The following UQCC1 variants were observed in gnomAD, a reference collection of about 807,000 sequenced individuals.
The protein encoded by UQCC1 is bFGF-repressed Zic-binding protein.
Under a neutral mutation model 48.0 loss-of-function variants are expected in UQCC1, and 38 were observed. The observed-to-expected ratio is 0.79, with a 90% CI of 0.61 to 1.04. The LOEUF (loss-of-function observed/expected upper bound fraction) is 1.04. UQCC1 is among the 50% of genes least tolerant of loss of function. The pLI, the probability that UQCC1 is intolerant of heterozygous loss-of-function variation, is 0.00. For synonymous variants in UQCC1, 111 were observed against 129.2 expected, an observed-to-expected ratio of 0.86 and a Z score of 0.95; for missense variants, 368 against 381.8, an observed-to-expected ratio of 0.96 and a Z score of 0.30.
intron 2 of UQCC1, among the ~76,000 whole-genome samples, chr20:35,386,559 A>C (rs978610600): frequency 6.6e-6 from 1 of 152,172 alleles, no homozygotes; most frequent in Non-Finnish European, 1.5e-5. Flanking sequence ...TAAACACAGA[A>C]CACCTCCCCA....
rs1001478110 is a variant in UQCC1, at chr20:35,411,929, C to G, written c.24+11G>C. On this transcript the variant is annotated intron_variant, in intron 1 of 9. Coordinates refer to ENST00000374385, the MANE Select transcript of UQCC1 (RefSeq NM_018244.5). ...CAGAGAGCTACCGTAGAAAATTACT[C>G]CTTCACTCACAAGGACTCGCACCAG... is the stretch of plus-strand genomic sequence containing the variant. The G allele has an allele frequency of 6.2e-7, 1 of 1,614,094 alleles. No individual in the cohort carries two copies. The highest frequency in any genetic ancestry group is 8.5e-7 in the Non-Finnish European group (1 of 1,180,054).
chr20:35,332,493 C>T (rs2061268014), intron 7 of UQCC1, among the ~76,000 whole-genome samples: 1 of 152,222 alleles, frequency 6.6e-6, no homozygotes, highest in South Asian at 2.1e-4. Flanking sequence ...TTCTCAGAGC[C>T]AGAGTAGAAC....
Position 35,302,734 on chromosome 20 carries a change from G to A in UQCC1, c.*1201C>T, listed in dbSNP as rs774290891. On this transcript the variant is annotated 3_prime_UTR_variant, in exon 10 of 10. Transcript: ENST00000374385. ...GGTGTTATTATCTCACACACACACA[G>A]GAGGCTTCACTCTAGAGCTCCGCTC... is the stretch of plus-strand genomic sequence containing the variant. 8.5e-5 allele frequency: 13 copies of A among 152,218 alleles called. No individual in the cohort carries two copies. The highest frequency in any genetic ancestry group is 1.9e-4 in the Non-Finnish European group (13 of 68,036). The allele number at this position is 152,218 out of a possible 1,614,324, so 9.4% of individuals were successfully genotyped here. A position where few individuals can be genotyped will look rare whatever the true frequency, so the allele number is the denominator to read the frequency against.
rs2061770568 is a variant in UQCC1, at chr20:35,374,298, T to C, written c.334-42A>G. On this transcript the variant is annotated intron_variant, in intron 4 of 9. Coordinates refer to ENST00000374385, the MANE Select transcript of UQCC1 (RefSeq NM_018244.5). ...AAACCAAACTCAAGACATGACCAAG[T>C]GGATGTTCTACTTCCATTAGACATG... 2.0e-6 allele frequency: 3 copies of C among 1,491,866 alleles called. No individual in the cohort carries two copies. In the East Asian group the frequency reaches 6.9e-5, roughly 34 times the overall value. The allele number at this position is 1,491,866 out of a possible 1,614,324, so 92.4% of individuals were successfully genotyped here.
chr20:35,388,700 G>A (rs2061977532), intron 2 of UQCC1, among the ~76,000 whole-genome samples: 1 of 152,202 alleles, frequency 6.6e-6, no homozygotes, highest in Admixed American at 6.6e-5. Context: ...AAAAGTCTGA[G>A]TAGAGTTCAA....
intron 7 of UQCC1, among the ~76,000 whole-genome samples, chr20:35,333,957 G>A (rs1397048733): frequency 6.6e-6 from 1 of 152,190 alleles, no homozygotes; most frequent in African/African-American, 2.4e-5. Flanking sequence ...TCTCCTGAAG[G>A]CCGGGGGCTG....
intron 1 of UQCC1, among the ~76,000 whole-genome samples, chr20:35,400,404 TTTAAC>T (rs1181612415): frequency 8.5e-5 from 13 of 152,274 alleles, no homozygotes; most frequent in African/African-American, 2.6e-4. Context: ...AAATTATTCC[TTTAAC>T]TTAAGATAAA....
chr20:35,391,022 C>T (rs2062007885), intron 2 of UQCC1, among the ~76,000 whole-genome samples: 1 of 151,708 alleles, frequency 6.6e-6, no homozygotes, highest in Non-Finnish European at 1.5e-5. Context: ...GTGGCAAAAC[C>T]CCTTCTCTAC....
chr20:35,406,882 T>C (rs1416129504), intron 1 of UQCC1, among the ~76,000 whole-genome samples: 3 of 152,200 alleles, frequency 2.0e-5, no homozygotes, highest in Admixed American at 1.3e-4. Flanking sequence ...CTTTACATAT[T>C]ACTGAAATGA....
At chr20:35,388,372 C>T (rs1474985635) in intron 2 of UQCC1, among the ~76,000 whole-genome samples, 1 of 140,274 alleles carries the variant, frequency 7.1e-6, no homozygotes, top group Non-Finnish European at 1.5e-5. Context: ...GTCACTGCAA[C>T]TTTGACCCCC....
rs80293457 is a variant in UQCC1, at chr20:35,393,131, G to C, written c.129+961C>G. 6.8e-3 allele frequency among the ~76,000 whole-genome samples: 1,039 copies of C among 152,118 alleles called. 16 individuals carry two copies. Among genetic ancestry groups the C allele is most frequent in the African/African-American group, 0.024 (993 of 41,520 alleles). On this transcript the variant is annotated intron_variant, in intron 2 of 9. Transcript: ENST00000374385. ...ATGAAAAACTACTTATACATACATT[G>C]CTGGTGGCAGCATAAATTAAAACAA...
chr20:35,345,545 CA>C (rs2061422597), intron 7 of UQCC1: 3 of 151,516 alleles, frequency 2.0e-5, no homozygotes, highest in African/African-American at 7.3e-5. Flanking sequence ...AGAAAGAAAG[CA>C]AAAAATGAAA....
At chr20:35,399,000 T>C (rs192915034) in intron 1 of UQCC1, among the ~76,000 whole-genome samples, 19 of 152,284 alleles carry the variant, frequency 1.2e-4, no homozygotes, top group South Asian at 1.0e-3. Flanking sequence ...AAATCCTTAA[T>C]TGAAACCACT....
intron 4 of UQCC1, among the ~76,000 whole-genome samples, chr20:35,377,366 C>A (rs1301482632): frequency 6.6e-6 from 1 of 152,238 alleles, no homozygotes; most frequent in African/African-American, 2.4e-5. Context: ...GACCACAGAA[C>A]ACATCTTGGG....
chr20:35,340,377 CCTAATAA>C (rs1183388137), intron 7 of UQCC1, among the ~76,000 whole-genome samples: 1 of 152,226 alleles, frequency 6.6e-6, no homozygotes, highest in Non-Finnish European at 1.5e-5. Context: ...CCTTCTCTCC[CCTAATAA>C]CTGACTATCC....
intron 8 of UQCC1, chr20:35,307,171 G>A (rs142074876): frequency 4.4e-5 from 14 of 316,060 alleles, no homozygotes; most frequent in South Asian, 1.5e-4. Flanking sequence ...CACAGGGCAC[G>A]GGCTGGGAAT....
chr20:35,321,205 A>C (rs998108852), intron 7 of UQCC1, among the ~76,000 whole-genome samples: 2 of 152,162 alleles, frequency 1.3e-5, no homozygotes, highest in African/African-American at 4.8e-5. Context: ...TACGACTGAA[A>C]GATCTATTGA....
chr20:35,410,680 C>T (rs1219013253), intron 1 of UQCC1, among the ~76,000 whole-genome samples: 3 of 63,894 alleles, frequency 4.7e-5, no homozygotes, highest in Non-Finnish European at 6.5e-5. Context: ...ACTCCAGCTT[C>T]GGCGACAGAG....
rs1480026731 is a variant in UQCC1 at position 35,345,126 on chromosome 20, A to G, written c.573+2038T>C. The G allele has an allele frequency of 3.9e-5, 6 of 152,292 alleles. No individual in the cohort carries two copies. In the East Asian group the frequency reaches 9.7e-4, roughly 25 times the overall value. The allele number at this position is 152,292 out of a possible 1,614,324, so 9.4% of individuals were successfully genotyped here. A position where few individuals can be genotyped will look rare whatever the true frequency, so the allele number is the denominator to read the frequency against. On this transcript the variant is annotated intron_variant, in intron 7 of 9. Coordinates refer to ENST00000374385, the MANE Select transcript of UQCC1 (RefSeq NM_018244.5). ...TCTCTTCATCTGTATCCCTTGCAAT[A>G]TCCTTTATAATAAACCGGTAATGTA...
Sources: gnomAD v4.1 joint callset for allele counts (sites outside exome capture counted in the v4.1 genomes callset) on GRCh38, gnomAD v4.1.1 for gene constraint, MANE v1.5 for transcripts, NCBI Gene and HGNC (gene_info 2026-07-23, HGNC 2026-07-21) for gene names.